ACOD1: variants seen among roughly 807,000 people sequenced by gnomAD.
ACOD1 encodes the protein aconitate decarboxylase 1.
Under a neutral mutation model 14.2 loss-of-function variants are expected in ACOD1, and 14 were observed. The observed-to-expected ratio is 0.99, with a 90% CI of 0.65 to 1.54. ACOD1 has a LOEUF of 1.54. Ranked by LOEUF, ACOD1 falls within the 40% of genes most tolerant of loss-of-function variation. ACOD1 has a pLI of 0.00. For missense variants in ACOD1, 530 were observed against 586.3 expected (o/e 0.90, Z 0.99); for synonymous variants, 182 against 221.7 (o/e 0.82, Z 1.59).
At chr13:76,955,276 A>G in intron 3 of ACOD1, 43 bp from the exon 4 acceptor site, 1 of 1,506,366 alleles carries the variant, frequency 6.6e-7, no homozygotes, top group African/African-American at 1.4e-5. Flanking sequence ...GCATTAAGGG[A>G]AAATTTAAGG....
At chr13:76,955,841 C>T (rs1037895555) in intron 4 of ACOD1, among the ~76,000 whole-genome samples, 7 of 152,166 alleles carry the variant, frequency 4.6e-5, no homozygotes, top group Admixed American at 1.3e-4. Context: ...GACTAGCTAG[C>T]GTCCCTCAGA....
Position 76,957,587 on chromosome 13 carries a change from C to G in ACOD1, c.1048C>G (p.Pro350Ala), listed in dbSNP as rs1352081227. The G allele has an allele frequency of 6.4e-7, 1 of 1,550,634 alleles. No homozygotes were observed. Among genetic ancestry groups the G allele is most frequent in the African/African-American group, 1.4e-5 (1 of 73,166 alleles). ...AMLLDGGITV[P>A]SFHECQINRP... ...GCTGCTTGATGGTGGCATCACTGTC[C>G]CCTCATTCCATGAATGCCAGATCAA... Residue 350 changes from proline (P) to alanine (A), a missense_variant, in exon 5 of 5, where the codon CCC becomes GCC. By Grantham distance (27) the Pro-to-Ala change is conservative (BLOSUM62 -1). Transcript: ENST00000377462.
intron 2 of ACOD1, 151 bp from the exon 3 acceptor site, chr13:76,953,449 T>G: frequency 1.3e-4 from 74 of 551,834 alleles, no homozygotes; most frequent in East Asian, 2.6e-4. Flanking sequence ...TCTACAAGGA[T>G]GAGAGGTATT....
rs757305973 is a variant in ACOD1 at position 76,955,482 on chromosome 13, G to T, written c.428G>T (p.Arg143Leu). 18 of 1,550,674 alleles carry T rather than the reference G, an allele frequency of 1.2e-5. No individual in the cohort carries two copies. In the East Asian group the frequency reaches 4.2e-4, roughly 36 times the overall value. Residue 143 changes from arginine (R) to leucine (L), a missense_variant, in exon 4 of 5, where the codon CGA (arginine) becomes CTA (leucine). By Grantham distance (102) the Arg-to-Leu change is moderately radical (BLOSUM62 -2). Transcript: ENST00000377462. The part of the protein sequence containing the change: ...AFNVGIEVQG[R>L]LLHFAKEAND... ...AATGTTGGTATTGAAGTGCAAGGCC[G>T]ATTACTGCATTTCGCCAAGGAGGCC... is the stretch of plus-strand genomic sequence containing the variant.
Position 76,957,098 on chromosome 13 carries a change from G to A in ACOD1, c.559G>A (p.Ala187Thr), listed in dbSNP as rs2033884691. ...LGLSSTKCREALAIAVSHAGA... is the reference protein window; with the variant it reads ...LGLSSTKCRETLAIAVSHAGA... ...ACTTAGCTCGACAAAGTGCCGAGAA[G>A]CTCTGGCCATTGCTGTTTCCCATGC... is the stretch of plus-strand genomic sequence containing the variant. Residue 187 changes from alanine (A) to threonine (T), a missense_variant, in exon 5 of 5, where the codon GCT (alanine) becomes ACT (threonine). Ala to Thr is a moderately conservative substitution (Grantham distance 58). Coordinates refer to ENST00000377462, the MANE Select transcript of ACOD1 (RefSeq NM_001258406.2). The A allele has an allele frequency of 6.4e-7, 1 of 1,550,550 alleles. No homozygotes were observed. The highest frequency in any genetic ancestry group is 8.7e-7 in the Non-Finnish European group (1 of 1,147,024).
rs910967365 is a variant in ACOD1, at chr13:76,950,645, C to G, written c.13-1844C>G. On this transcript the variant is annotated intron_variant, in intron 1 of 4. Coordinates refer to ENST00000377462, the MANE Select transcript of ACOD1 (RefSeq NM_001258406.2). ...CTGCTCCTCTTCCTGTGTTCTCTCT[C>G]TTGGCCAATGGCACTGCCATTTCCC... 1.3e-5 allele frequency among the ~76,000 whole-genome samples: 2 copies of G among 152,322 alleles called. 1 individual carries two copies. The highest frequency in any genetic ancestry group is 6.8e-3 in the Middle Eastern group (2 of 294).
chr13:76,957,348 C>T lies in ACOD1; in HGVS notation c.809C>T (p.Ala270Val), dbSNP rs1386246617. 1.3e-6 allele frequency: 2 copies of T among 1,550,644 alleles called. No individual in the cohort carries two copies. Among genetic ancestry groups the T allele is most frequent in the Admixed American group, 2.0e-5 (1 of 51,010 alleles). ...YSWLLDQQDV[A>V]FKRFPAHLST... Reference sequence around the variant, plus strand: ...TGGCTGCTGGACCAGCAGGACGTGGCCTTTAAGCGTTTTCCTGCACATTTA... The same window carrying T: ...TGGCTGCTGGACCAGCAGGACGTGGTCTTTAAGCGTTTTCCTGCACATTTA... The change falls in exon 5 of 5, where the codon GCC becomes GTC. Residue 270 changes from alanine to valine, a missense_variant. Transcript: ENST00000377462.
At chr13:76,953,552 T>C (rs1228311012) in intron 2 of ACOD1, 48 bp from the exon 3 acceptor site, 2 of 1,049,912 alleles carry the variant, frequency 1.9e-6, no homozygotes, top group Non-Finnish European at 2.9e-6. Flanking sequence ...AATGGTGACT[T>C]GGTATACTGT....
At chr13:76,953,224 T>C (rs1420423315) in intron 2 of ACOD1, among the ~76,000 whole-genome samples, 1 of 152,214 alleles carries the variant, frequency 6.6e-6, no homozygotes, top group African/African-American at 2.4e-5. Context: ...GAGAAAAGCC[T>C]GGTCAAGTAC....
Position 76,957,291 on chromosome 13 carries a change from C to T in ACOD1, c.752C>T (p.Pro251Leu). Residue 251 changes from proline (P) to leucine (L), a missense_variant, in exon 5 of 5, where the codon CCA (proline) becomes CTA (leucine). By Grantham distance (98) the Pro-to-Leu change is moderately conservative. Transcript: ENST00000377462. Reference sequence around the variant, plus strand: ...GGGGCCTTTTATGCCAACTATTCCCCAAAAGTCCTTCCAAGCATAGCTTCC... The same window carrying T: ...GGGGCCTTTTATGCCAACTATTCCCTAAAAGTCCTTCCAAGCATAGCTTCC... ...GFGAFYANYS[P>L]KVLPSIASYS... is the part of the protein sequence containing the mutation. The T allele has an allele frequency of 1.9e-6, 3 of 1,550,628 alleles. No homozygotes were observed. Among genetic ancestry groups the T allele is most frequent in the Non-Finnish European group, 2.6e-6 (3 of 1,147,006 alleles).
intron 1 of ACOD1, among the ~76,000 whole-genome samples, chr13:76,951,816 T>C (rs2033824459): frequency 1.3e-5 from 2 of 152,120 alleles, no homozygotes; most frequent in Admixed American, 6.5e-5. Context: ...GAGTCTAATT[T>C]TGGTGGTCTG....
In ACOD1 at chr13:76,953,614, C is replaced by CA; in HGVS notation, c.190dup (p.Ile64AsnfsTer32). 6.5e-7 allele frequency: 1 copy of CA among 1,546,012 alleles called. No individual in the cohort carries two copies. The highest frequency in any genetic ancestry group is 1.2e-5 in the South Asian group (1 of 83,816). ...TTTTGTTCCAGATCTACAGTTCCAA[C>CA]ATATCCAGCACTGTTTGGGGTCAGC... On this transcript the variant is annotated frameshift_variant, in exon 3 of 5. Transcript: ENST00000377462. LOFTEE classifies it high-confidence loss of function.
chr13:76,953,917 G>A (rs564371066), intron 3 of ACOD1, among the ~76,000 whole-genome samples: 2 of 152,256 alleles, frequency 1.3e-5, no homozygotes, highest in South Asian at 4.1e-4. Flanking sequence ...AAGATGGAAG[G>A]ATTTAGATAA....
At position 76,949,379 on chromosome 13, in the gene ACOD1, G is replaced by A. The variant is rs187791407; in HGVS notation, c.12+809G>A. Among the ~76,000 whole-genome samples the A allele has an allele frequency of 7.2e-5, 11 of 152,302 alleles. No individual in the cohort carries two copies. In the East Asian group the frequency reaches 1.9e-3, roughly 27 times the overall value. On this transcript the variant is annotated intron_variant, in intron 1 of 4. Transcript: ENST00000377462. ...GCAAATGCCATGAGAAGGTCAAGCA[G>A]ATCAGAAGATATTTTGGAAATAGAT...
chr13:76,952,580 T>C lies in ACOD1; in HGVS notation c.104T>C (p.Leu35Pro). ...RVIQRSKRMI[L>P]DTLGAGFLGT... ...ATTCAGAGGAGCAAGAGGATGATTC[T>C]AGACACTCTGGGTGCTGGGTTCCTG... is the stretch of plus-strand genomic sequence containing the variant. The change falls in exon 2 of 5, where the codon CTA (leucine) becomes CCA (proline). Residue 35 changes from leucine (L) to proline (P), a missense_variant. Coordinates refer to ENST00000377462, the MANE Select transcript of ACOD1 (RefSeq NM_001258406.2). 6.4e-7 allele frequency: 1 copy of C among 1,550,480 alleles called. No homozygotes were observed. The highest frequency in any genetic ancestry group is 8.7e-7 in the Non-Finnish European group (1 of 1,146,920).
At chr13:76,955,250 T>G in intron 3 of ACOD1, 69 bp from the exon 4 acceptor site, 1 of 1,139,986 alleles carries the variant, frequency 8.8e-7, no homozygotes, top group Non-Finnish European at 1.3e-6. Flanking sequence ...AAGTCCTTAG[T>G]GGTCCAAAAG....
In ACOD1 at chr13:76,957,579, T is replaced by C; in HGVS notation, c.1040T>C (p.Ile347Thr). 1 of 1,550,640 alleles carries C rather than the reference T, an allele frequency of 6.4e-7. No homozygotes were observed. ...VACAMLLDGG[I>T]TVPSFHECQI... ...TGTGCCATGCTGCTTGATGGTGGCA[T>C]CACTGTCCCCTCATTCCATGAATGC... The change falls in exon 5 of 5, where the codon ATC becomes ACC. Residue 347 changes from isoleucine to threonine, a missense_variant. Ile to Thr is a moderately conservative substitution (Grantham distance 89, BLOSUM62 -1). Coordinates refer to ENST00000377462, the MANE Select transcript of ACOD1 (RefSeq NM_001258406.2).
chr13:76,952,937 A>G (rs983836241), intron 2 of ACOD1, among the ~76,000 whole-genome samples: 1 of 152,180 alleles, frequency 6.6e-6, no homozygotes, highest in African/African-American at 2.4e-5. Flanking sequence ...ATTTGAGACC[A>G]GCCTTGGCAA....
chr13:76,951,931 G>A (rs1435634246), intron 1 of ACOD1, among the ~76,000 whole-genome samples: 2 of 152,162 alleles, frequency 1.3e-5, no homozygotes, highest in African/African-American at 2.4e-5. Flanking sequence ...ACTGATTGTC[G>A]AGTTACACCT....
Sources: allele counts gnomAD v4.1 joint callset (sites outside exome capture counted in the v4.1 genomes callset), GRCh38; gene constraint gnomAD v4.1.1; transcripts MANE v1.5; gene names NCBI Gene and HGNC (gene_info 2026-07-23, HGNC 2026-07-21).